The following RGL1 variants were observed in gnomAD, a reference collection of about 807,000 sequenced individuals.
RGL1 encodes the protein ral guanine nucleotide dissociation stimulator-like 1.
In RGL1, 24 loss-of-function variants were observed where a neutral mutation model predicts 95.2. The observed-to-expected ratio is 0.25, with a 90% CI of 0.18 to 0.35. The LOEUF is 0.35. RGL1 is among the 10% of genes least tolerant of loss of function. The pLI, the probability that RGL1 is intolerant of heterozygous loss-of-function variation, is 1.00. For synonymous variants in RGL1, 329 were observed against 344.9 expected (o/e 0.95, Z 0.51); for missense variants, 715 against 936.3 (o/e 0.76, Z 3.08).
chr1:183,814,477 G>A (rs540681070), intron 2 of RGL1, among the ~76,000 whole-genome samples: 2 of 152,178 alleles, frequency 1.3e-5, no homozygotes, highest in South Asian at 4.1e-4. Context: ...GCATGTAATT[G>A]CTTATGCCAT....
At chr1:183,688,792 C>A (rs972439535) in intron 1 of RGL1, among the ~76,000 whole-genome samples, 1 of 152,018 alleles carries the variant, frequency 6.6e-6, no homozygotes, top group African/African-American at 2.4e-5. Context: ...AATTTCCAAG[C>A]AGACCATTTT....
At chr1:183,688,065 T>C (rs1198080993) in intron 1 of RGL1, among the ~76,000 whole-genome samples, 1 of 152,178 alleles carries the variant, frequency 6.6e-6, no homozygotes. Flanking sequence ...GTTATTTCTG[T>C]TGGTGGTTTA....
At chr1:183,846,150 C>G (rs1664411013) in intron 2 of RGL1, among the ~76,000 whole-genome samples, 1 of 152,214 alleles carries the variant, frequency 6.6e-6, no homozygotes, top group East Asian at 1.9e-4. Flanking sequence ...ACCCAAATGC[C>G]CATCAGTGAT....
intron 15 of RGL1, 134 bp from the exon 16 acceptor site, chr1:183,916,313 A>G: frequency 9.6e-7 from 1 of 1,044,388 alleles, no homozygotes; most frequent in Non-Finnish European, 1.4e-6. Flanking sequence ...GATGAGACAC[A>G]TGTGTGCTGT....
At chr1:183,745,018 T>C (rs989358910) in intron 2 of RGL1, among the ~76,000 whole-genome samples, 7 of 152,138 alleles carry the variant, frequency 4.6e-5, no homozygotes, top group Non-Finnish European at 8.8e-5. Context: ...AGTTCAACCA[T>C]TCTATATCCT....
At chr1:183,909,351 T>C (rs527980823) in intron 14 of RGL1, among the ~76,000 whole-genome samples, 9 of 152,300 alleles carry the variant, frequency 5.9e-5, no homozygotes, top group African/African-American at 2.2e-4. Flanking sequence ...AGATGCCTAC[T>C]ACTGAGCCAG....
At chr1:183,764,876 T>G (rs962269150) in intron 2 of RGL1, among the ~76,000 whole-genome samples, 4 of 152,208 alleles carry the variant, frequency 2.6e-5, no homozygotes, top group African/African-American at 9.7e-5. Flanking sequence ...CCACTATACT[T>G]GGCCTGATTA....
At chr1:183,784,193 G>C (rs1190090456) in intron 2 of RGL1, among the ~76,000 whole-genome samples, 2 of 152,216 alleles carry the variant, frequency 1.3e-5, no homozygotes, top group Non-Finnish European at 1.5e-5. Flanking sequence ...CAAGGCATTA[G>C]AAGAGATGTG....
intron 2 of RGL1, among the ~76,000 whole-genome samples, chr1:183,756,254 A>G (rs1386140355): frequency 2.0e-5 from 3 of 150,074 alleles, no homozygotes; most frequent in Non-Finnish European, 4.4e-5. Context: ...TGCAACTTTG[A>G]CCTCCCTGGT....
At chr1:183,916,754 G>A (rs1669004413) in intron 16 of RGL1, 53 bp downstream of exon 16, 2 of 1,581,026 alleles carry the variant, frequency 1.3e-6, no homozygotes, top group Middle Eastern at 1.7e-4. Context: ...TTGTGTGTCT[G>A]TGTCTGTCGG....
At chr1:183,711,758 C>T (rs1277141880) in intron 1 of RGL1, among the ~76,000 whole-genome samples, 3 of 150,928 alleles carry the variant, frequency 2.0e-5, no homozygotes, top group Non-Finnish European at 4.4e-5. Flanking sequence ...TTCTCACAAG[C>T]ATTTACTATG....
chr1:183,839,015 G>A (rs545487167), intron 2 of RGL1, among the ~76,000 whole-genome samples: 75 of 152,190 alleles, frequency 4.9e-4, no homozygotes, highest in Non-Finnish European at 9.7e-4. Context: ...CAGCACATAT[G>A]TGAATCTGGT....
chr1:183,648,681 T>A (rs1325780012), intron 1 of RGL1: 2 of 1,614,200 alleles, frequency 1.2e-6, no homozygotes, highest in Middle Eastern at 1.6e-4. Flanking sequence ...TGTTCGAATA[T>A]GGTAAGGACA....
At chr1:183,920,594 C>T (rs1316062574) in intron 16 of RGL1, among the ~76,000 whole-genome samples, 2 of 152,226 alleles carry the variant, frequency 1.3e-5, no homozygotes, top group Non-Finnish European at 2.9e-5. Flanking sequence ...GGTAGCCTGG[C>T]TGTCTCATAT....
At chr1:183,644,499 C>A (rs1286728276) in intron 1 of RGL1, among the ~76,000 whole-genome samples, 2 of 151,950 alleles carry the variant, frequency 1.3e-5, no homozygotes, top group Non-Finnish European at 2.9e-5. Flanking sequence ...GATCATGGCT[C>A]GCTGCAGCCT....
chr1:183,805,215 C>T lies in RGL1; in HGVS notation c.-83C>T. On this transcript the variant is annotated 5_prime_UTR_variant, in exon 1 of 18. Transcript: ENST00000360851. ...GGACCGGGACCGGGGCGAGGCGCCG[C>T]GGGGCTGAGCCCAGCAGACATTGCG... The T allele has an allele frequency of 1.3e-6, 2 of 1,566,198 alleles. No individual in the cohort carries two copies. The highest frequency in any genetic ancestry group is 1.2e-5 in the South Asian group (1 of 84,840).
chr1:183,786,517 C>G (rs1321764003), intron 2 of RGL1, among the ~76,000 whole-genome samples: 1 of 152,166 alleles, frequency 6.6e-6, no homozygotes. Flanking sequence ...ATCCTAAAAT[C>G]TGAAATCTAA....
At chr1:183,696,508 G>T (rs1268013133) in intron 1 of RGL1, among the ~76,000 whole-genome samples, 3 of 152,130 alleles carry the variant, frequency 2.0e-5, no homozygotes, top group African/African-American at 7.2e-5. Flanking sequence ...AGTTGACAAA[G>T]GTTGCCAGCC....
chr1:183,772,162 G>T (rs1211036931), intron 2 of RGL1, among the ~76,000 whole-genome samples: 2 of 152,222 alleles, frequency 1.3e-5, no homozygotes, highest in East Asian at 3.9e-4. Context: ...TTCTTCCAAG[G>T]CAGGAACCTG....
Sources: allele counts gnomAD v4.1 joint callset (sites outside exome capture counted in the v4.1 genomes callset), GRCh38; gene constraint gnomAD v4.1.1; transcripts MANE v1.5; gene names NCBI Gene and HGNC (gene_info 2026-07-23, HGNC 2026-07-21).